The following ANK2 variants were observed in gnomAD, a reference collection of about 807,000 sequenced individuals.
ANK2 encodes the protein ankyrin-2.
In ANK2, 83 loss-of-function variants were observed where a neutral mutation model predicts 360.5. That is an observed-to-expected ratio of 0.23 (90% CI 0.19 to 0.28). The LOEUF (loss-of-function observed/expected upper bound fraction) is 0.28. Ranked by LOEUF, ANK2 falls within the 10% of genes least tolerant of loss-of-function variation. The probability of loss-of-function intolerance (pLI) is 1.00; values close to 1 mark genes in which losing one functional copy is unlikely to be tolerated. For synonymous variants in ANK2, 1,740 were observed against 1,759.5 expected, an observed-to-expected ratio of 0.99 and a Z score of 0.28; for missense variants, 4,201 against 4,795.7, an observed-to-expected ratio of 0.88 and a Z score of 3.66.
Position 113,353,473 on chromosome 4 carries a change from G to C in ANK2, c.4855G>C (p.Val1619Leu), listed in dbSNP as rs1313579642. The change falls in exon 38 of 46, where the codon GTT (valine) becomes CTT (leucine). Residue 1619 changes from valine (V) to leucine (L), a missense_variant. Transcript: ENST00000357077. Reference protein sequence around the residue: ...LEITEYPCVEVRIDKEIKGKV... With the variant: ...LEITEYPCVELRIDKEIKGKV... ...AATCACTGAATATCCATGTGTAGAA[G>C]TTAGAATAGATAAAGAGATCAAAGG... 1.2e-6 allele frequency: 2 copies of C among 1,614,064 alleles called. No individual in the cohort carries two copies. Among genetic ancestry groups the C allele is most frequent in the Non-Finnish European group, 1.7e-6 (2 of 1,179,974 alleles).
chr4:113,100,440 C>T (rs911986521), intron 1 of ANK2, among the ~76,000 whole-genome samples: 6 of 152,054 alleles, frequency 3.9e-5, no homozygotes, highest in Non-Finnish European at 8.8e-5. Flanking sequence ...CAGTACAAAC[C>T]TATTAGAATT....
Position 113,227,152 on chromosome 4 carries a change from G to C in ANK2, c.385-5009G>C, listed in dbSNP as rs550927066. Among the ~76,000 whole-genome samples, 5 of 152,268 alleles carry C rather than the reference G, an allele frequency of 3.3e-5. No individual in the cohort carries two copies. In the South Asian group the frequency reaches 1.0e-3, roughly 32 times the overall value. On this transcript the variant is annotated intron_variant, in intron 4 of 45. Coordinates refer to ENST00000357077, the MANE Select transcript of ANK2 (RefSeq NM_001148.6). Reference sequence around the variant, plus strand: ...CCAGAGGCATGTTTCACATTCTCCAGTGGGCTATTTTTTGTTGTTAAATAC... The same window carrying C: ...CCAGAGGCATGTTTCACATTCTCCACTGGGCTATTTTTTGTTGTTAAATAC...
chr4:113,351,194 T>A (rs2095392795), intron 37 of ANK2, among the ~76,000 whole-genome samples: 1 of 152,198 alleles, frequency 6.6e-6, no homozygotes, highest in African/African-American at 2.4e-5. Context: ...ATAAACTTTA[T>A]TTCAGAGTTT....
At chr4:112,753,821 G>A in the ANK2 span, among the ~76,000 whole-genome samples, 2 of 152,058 alleles carry the variant, frequency 1.3e-5, no homozygotes, top group Non-Finnish European at 2.9e-5. Context: ...TAACTGGCTG[G>A]GCATTGTGGC....
chr4:113,312,317 G>A (rs180919525), intron 24 of ANK2, among the ~76,000 whole-genome samples: 7 of 151,778 alleles, frequency 4.6e-5, no homozygotes, highest in African/African-American at 1.2e-4. Flanking sequence ...GTTTGTCCAC[G>A]TAGTGTAATG....
intron 2 of ANK2, among the ~76,000 whole-genome samples, chr4:112,996,746 A>T (rs1052846277): frequency 6.6e-6 from 1 of 152,132 alleles, no homozygotes; most frequent in Non-Finnish European, 1.5e-5. Context: ...AAACAATCCA[A>T]TTACACTCTT....
intron 1 of ANK2, among the ~76,000 whole-genome samples, chr4:112,825,024 T>C (rs2058098601): frequency 6.6e-6 from 1 of 152,040 alleles, no homozygotes; most frequent in Admixed American, 6.6e-5. Context: ...AAATGATGAG[T>C]TCATGTCCTT....
At chr4:113,146,499 C>T (rs775745599) in intron 1 of ANK2, among the ~76,000 whole-genome samples, 1 of 151,992 alleles carries the variant, frequency 6.6e-6, no homozygotes, top group African/African-American at 2.4e-5. Context: ...TGAAGAGGTC[C>T]TTAAATGCTT....
chr4:113,085,121 A>G (rs1015843096), intron 1 of ANK2, among the ~76,000 whole-genome samples: 17 of 152,202 alleles, frequency 1.1e-4, no homozygotes, highest in African/African-American at 2.9e-4. Flanking sequence ...TACGTTTTTC[A>G]GGTTGTACAA....
rs535895477 is a variant in ANK2 at position 112,827,582 on chromosome 4, C to T, written c.-40+9318C>T. On this transcript the variant is annotated intron_variant, in intron 1 of 30. Transcript: ENST00000503271. ...GAAGAGGAGATGAAATATTCTCGAGCTCTATACCTGGCCCTTCTGAAGGGA... is the reference window on the plus strand; with the variant it reads ...GAAGAGGAGATGAAATATTCTCGAGTTCTATACCTGGCCCTTCTGAAGGGA... 4 of 1,027,702 alleles carry T rather than the reference C, an allele frequency of 3.9e-6. No homozygotes were observed. The African/African-American group carries it at 4.7e-5, about 12-fold the overall frequency. The allele number at this position is 1,027,702 out of a possible 1,614,324, so 63.7% of individuals were successfully genotyped here.
At chr4:112,971,789 C>A (rs1317517644) in intron 2 of ANK2, among the ~76,000 whole-genome samples, 1 of 152,178 alleles carries the variant, frequency 6.6e-6, no homozygotes, top group Non-Finnish European at 1.5e-5. Context: ...AGCCTTCTGG[C>A]AGGTGCAGTA....
chr4:113,092,237 A>G (rs2088669069), intron 1 of ANK2, among the ~76,000 whole-genome samples: 1 of 152,214 alleles, frequency 6.6e-6, no homozygotes, highest in Admixed American at 6.5e-5. Flanking sequence ...CAGAATTGCA[A>G]TCCATACACT....
chr4:112,823,330 GGACA>G (rs1245752155), intron 1 of ANK2, among the ~76,000 whole-genome samples: 1 of 152,136 alleles, frequency 6.6e-6, no homozygotes, highest in Non-Finnish European at 1.5e-5. Context: ...AGAATAATTG[GGACA>G]CTGTTCTAAA....
chr4:112,956,341 T>C (rs1371169459), intron 2 of ANK2, among the ~76,000 whole-genome samples: 2 of 152,154 alleles, frequency 1.3e-5, no homozygotes, highest in Non-Finnish European at 2.9e-5. Flanking sequence ...TCTCAGCATA[T>C]GATTTTTTTT....
chr4:112,965,605 TG>T (rs2036898386), intron 2 of ANK2, among the ~76,000 whole-genome samples: 1 of 152,332 alleles, frequency 6.6e-6, no homozygotes, highest in African/African-American at 2.4e-5. Flanking sequence ...GTATGAGGTC[TG>T]AGATTTAAGC....
chr4:113,001,047 A>G (rs2050445889), intron 2 of ANK2, among the ~76,000 whole-genome samples: 1 of 152,004 alleles, frequency 6.6e-6, no homozygotes, highest in African/African-American at 2.4e-5. Context: ...TTAAAAAATA[A>G]TGTGAGGTCG....
chr4:113,272,473 A>G (rs911617265), intron 14 of ANK2, among the ~76,000 whole-genome samples: 1 of 152,232 alleles, frequency 6.6e-6, no homozygotes. Context: ...TCAGCAGGGA[A>G]ATAATTGGCC....
intron 22 of ANK2, among the ~76,000 whole-genome samples, chr4:113,297,593 A>G (rs2072491839): frequency 6.6e-6 from 1 of 152,160 alleles, no homozygotes; most frequent in Non-Finnish European, 1.5e-5. Flanking sequence ...AAAAATGGCA[A>G]TACAATAAAT....
At chr4:113,317,563 G>T in intron 24 of ANK2, 144 bp from the exon 25 acceptor site, 1 of 704,310 alleles carries the variant, frequency 1.4e-6, no homozygotes, top group Non-Finnish European at 2.6e-6. Context: ...AAAAAGGTAG[G>T]ACAACAGAGA....
Sources: gnomAD v4.1 joint callset for allele counts (sites outside exome capture counted in the v4.1 genomes callset) on GRCh38, gnomAD v4.1.1 for gene constraint, MANE v1.5 for transcripts, NCBI Gene and HGNC (gene_info 2026-07-23, HGNC 2026-07-21) for gene names.